Variants in CFAP36 observed in about 807,000 individuals in gnomAD.
CFAP36 encodes the protein cilia- and flagella-associated protein 36.
CFAP36 carries 37 observed loss-of-function variants against 50.5 expected under a neutral mutation model. That is an observed-to-expected ratio of 0.73 (90% confidence interval 0.56 to 0.96). The LOEUF (loss-of-function observed/expected upper bound fraction) is 0.96. CFAP36 is among the 50% of genes least tolerant of loss of function. The pLI, the probability that CFAP36 is intolerant of heterozygous loss-of-function variation, is 0.00. For missense variants in CFAP36, 407 were observed against 396.2 expected (o/e 1.03, Z -0.23); for synonymous variants, 138 against 128.2 (o/e 1.08, Z -0.52).
chr2:55,543,281 A>C (rs1179845609), intron 7 of CFAP36, among the ~76,000 whole-genome samples: 1 of 152,130 alleles, frequency 6.6e-6, no homozygotes, highest in East Asian at 1.9e-4. Context: ...GGCTCAGAGG[A>C]GCAATTAGAA....
At chr2:55,524,327 C>T (rs544897153) in intron 3 of CFAP36, among the ~76,000 whole-genome samples, 55 of 151,900 alleles carry the variant, frequency 3.6e-4, no homozygotes, top group Admixed American at 3.2e-3. Context: ...GATTGCAGCT[C>T]ATTATAGGCT....
rs1684132266 is a variant in CFAP36, at chr2:55,523,810, C to G, written c.270C>G (p.Thr90=). 2 of 1,599,938 alleles carry G rather than the reference C, an allele frequency of 1.3e-6. No homozygotes were observed. Among genetic ancestry groups the G allele is most frequent in the Non-Finnish European group, 1.7e-6 (2 of 1,171,612 alleles). Residue 90 remains threonine (T), a synonymous_variant, in exon 3 of 10, where the codon ACC becomes ACG. Transcript: ENST00000349456. ...CATGCACTTCTCCTCTTGCAAAGAC[C>G]CATACATCACAGGTTTTTGCTTTGT... ...QEACTSPLAK[T]HTSQAILQPV...
At chr2:55,529,647 C>CT (rs762612056) in intron 4 of CFAP36, among the ~76,000 whole-genome samples, 55,013 of 126,486 alleles carry the variant, frequency 0.43, 12,922 homozygotes, top group Non-Finnish European at 0.51. Context: ...AGCAGTGGTT[C>CT]TTTTTTTTTT....
intron 3 of CFAP36, among the ~76,000 whole-genome samples, chr2:55,527,066 G>T (rs1224033520): frequency 2.6e-5 from 4 of 151,924 alleles, no homozygotes; most frequent in African/African-American, 9.7e-5. Flanking sequence ...AAATGTTATT[G>T]GTATGCCCAC....
At chr2:55,529,888 C>G (rs371661303) in intron 4 of CFAP36, among the ~76,000 whole-genome samples, 93 of 152,112 alleles carry the variant, frequency 6.1e-4, no homozygotes, top group African/African-American at 1.8e-3. Flanking sequence ...CCTCGTGATC[C>G]GCCCGCCTTG....
At chr2:55,535,489 G>A (rs1206659335) in intron 5 of CFAP36, among the ~76,000 whole-genome samples, 1 of 152,130 alleles carries the variant, frequency 6.6e-6, no homozygotes, top group Non-Finnish European at 1.5e-5. Context: ...AGAAGAAATG[G>A]GTAGACCTGT....
intron 3 of CFAP36, 94 bp from the exon 4 acceptor site, chr2:55,528,784 A>G (rs1684276399): frequency 5.9e-6 from 4 of 678,436 alleles, no homozygotes; most frequent in Non-Finnish European, 1.0e-5. Context: ...GCATTCTTGA[A>G]TTAATCTACT....
Position 55,528,920 on chromosome 2 carries a change from T to G in CFAP36, c.325T>G (p.Phe109Val). ...GTTGGCAGCAGAAGATTTTACTATC[T>G]TTAAAGCAATGATGGTCCAGAAAAA... The part of the protein sequence containing the change: ...PVLAAEDFTI[F>V]KAMMVQKNIE... The change falls in exon 4 of 10, where the codon TTT (phenylalanine) becomes GTT (valine). Residue 109 changes from phenylalanine (F) to valine (V), a missense_variant. Coordinates refer to ENST00000349456, the MANE Select transcript of CFAP36 (RefSeq NM_080667.7). 1.9e-6 allele frequency: 3 copies of G among 1,611,840 alleles called. No homozygotes were observed. In the South Asian group the frequency reaches 3.3e-5, roughly 18 times the overall value.
rs1033745847 is a variant in CFAP36, at chr2:55,535,719, A to C, written c.493A>C (p.Lys165Gln). ...KILREVLRKS[K>Q]EEYDQEEERK... ...TATTTTTGTATATTTCAGAAAATCA[A>C]AAGAGGAATATGACCAGGAAGAAGA... Residue 165 changes from lysine (K) to glutamine (Q), a missense_variant, in exon 6 of 10, where the codon AAA becomes CAA. By Grantham distance (53) the Lys-to-Gln change is moderately conservative (BLOSUM62 1). Transcript: ENST00000349456. 1.1e-5 allele frequency: 17 copies of C among 1,535,616 alleles called. No individual in the cohort carries two copies. The East Asian group carries it at 1.2e-4, about 11-fold the overall frequency.
intron 2 of CFAP36, among the ~76,000 whole-genome samples, chr2:55,522,633 G>A (rs1172164612): frequency 6.6e-6 from 1 of 152,188 alleles, no homozygotes; most frequent in East Asian, 1.9e-4. Flanking sequence ...CTACAGGTGT[G>A]CACCACCATG....
intron 7 of CFAP36, among the ~76,000 whole-genome samples, chr2:55,541,923 A>G (rs939475931): frequency 5.9e-5 from 9 of 152,190 alleles, no homozygotes; most frequent in Non-Finnish European, 1.2e-4. Flanking sequence ...AAGGAGTTAG[A>G]TTCTTATTTG....
At position 55,532,122 on chromosome 2, in the gene CFAP36, C is replaced by T. The variant is rs865894815; in HGVS notation, c.398-1751C>T. Among the ~76,000 whole-genome samples the T allele has an allele frequency of 4.6e-5, 7 of 151,756 alleles. No individual in the cohort carries two copies. The South Asian group carries it at 1.2e-3, about 27-fold the overall frequency. The stretch of plus-strand genomic sequence containing the variant: ...CAGGAGGATCGCTTAAGCCCAGCCT[C>T]AGACTTCTGTTTGAGGCTGCAGTGA... On this transcript the variant is annotated intron_variant, in intron 4 of 9. Coordinates refer to ENST00000349456, the MANE Select transcript of CFAP36 (RefSeq NM_080667.7).
intron 4 of CFAP36, among the ~76,000 whole-genome samples, chr2:55,533,117 G>T (rs553188073): frequency 6.4e-4 from 97 of 152,278 alleles, no homozygotes; most frequent in African/African-American, 1.9e-3. Context: ...TAATATAAAT[G>T]AAGACTTTTA....
chr2:55,519,841 G>C lies in CFAP36; in HGVS notation c.40G>C (p.Glu14Gln). 2 of 1,614,244 alleles carry C rather than the reference G, an allele frequency of 1.2e-6. No homozygotes were observed. Among genetic ancestry groups the C allele is most frequent in the Non-Finnish European group, 8.5e-7 (1 of 1,180,042 alleles). ...AGAAGACGAGGTGGAGTGGGTAGTGGAGAGCATCGCGGGGTTCCTGCGAGG... is the reference window on the plus strand; with the variant it reads ...AGAAGACGAGGTGGAGTGGGTAGTGCAGAGCATCGCGGGGTTCCTGCGAGG... ...EEEDEVEWVV[E>Q]SIAGFLRGPD... Residue 14 changes from glutamate to glutamine, a missense_variant, in exon 1 of 10, where the codon GAG becomes CAG. Coordinates refer to ENST00000349456, the MANE Select transcript of CFAP36 (RefSeq NM_080667.7).
intron 3 of CFAP36, 143 bp from the exon 4 acceptor site, chr2:55,528,735 A>T (rs968594221): frequency 1.2e-5 from 7 of 564,148 alleles, no homozygotes; most frequent in Non-Finnish European, 2.2e-5. Flanking sequence ...AAATTTTAAA[A>T]TTGTCCTTTT....
chr2:55,538,831 C>T, intron 7 of CFAP36: 1 of 1,537,058 alleles, frequency 6.5e-7, no homozygotes. Flanking sequence ...TTATGACTTA[C>T]CTTGGTCTTC....
chr2:55,527,551 C>T (rs1361669471), intron 3 of CFAP36, among the ~76,000 whole-genome samples: 1 of 152,002 alleles, frequency 6.6e-6, no homozygotes, highest in Non-Finnish European at 1.5e-5. Flanking sequence ...CACTGCACTC[C>T]AGCCTGGGTG....
In CFAP36 at chr2:55,523,830, C is replaced by T. The variant is rs781540706; in HGVS notation, c.282+8C>T. On this transcript the variant is annotated splice_region_variant and intron_variant, in intron 3 of 9. Coordinates refer to ENST00000349456, the MANE Select transcript of CFAP36 (RefSeq NM_080667.7). ...AAGACCCATACATCACAGGTTTTTG[C>T]TTTGTGTTATTCTGCTAACATACAG... 5 of 1,577,264 alleles carry T rather than the reference C, an allele frequency of 3.2e-6. No homozygotes were observed. Among genetic ancestry groups the T allele is most frequent in the Admixed American group, 1.7e-5 (1 of 57,658 alleles).
chr2:55,524,367 A>G (rs1574612511), intron 3 of CFAP36, among the ~76,000 whole-genome samples: 1 of 150,710 alleles, frequency 6.6e-6, no homozygotes, highest in Admixed American at 6.6e-5. Context: ...TAATCCTCCC[A>G]TCTCAACTTT....
Sources: gnomAD v4.1 joint callset for allele counts (sites outside exome capture counted in the v4.1 genomes callset) on GRCh38, gnomAD v4.1.1 for gene constraint, MANE v1.5 for transcripts, NCBI Gene and HGNC (gene_info 2026-07-23, HGNC 2026-07-21) for gene names.